Variants in ACP4 observed in about 807,000 individuals in gnomAD.
The protein encoded by ACP4 is testicular acid phosphatase.
ACP4 carries 49 observed loss-of-function variants against 47.3 expected under a neutral mutation model. The ratio of observed to expected loss-of-function variants is 1.04; its 90% confidence interval spans 0.82 to 1.32. ACP4 has a LOEUF of 1.32. ACP4 is among the 40% of genes most tolerant of loss of function. The probability of loss-of-function intolerance (pLI) is 0.00; values close to 1 mark genes in which losing one functional copy is unlikely to be tolerated. For missense variants in ACP4, 594 were observed against 579.3 expected, an observed-to-expected ratio of 1.03 and a Z score of -0.26; for synonymous variants, 299 against 265.3, an observed-to-expected ratio of 1.13 and a Z score of -1.23.
In ACP4 at chr19:50,794,962, C is replaced by T. The variant is rs766382430; in HGVS notation, c.1163C>T (p.Pro388Leu). The T allele has an allele frequency of 6.2e-7, 1 of 1,613,128 alleles. No homozygotes were observed. The highest frequency in any genetic ancestry group is 1.1e-5 in the South Asian group (1 of 90,930). The part of the protein sequence containing the change: ...CHGPYEAAIP[P>L]APVVPLLAGA... ...GGCCCCTATGAGGCTGCCATCCCCC[C>T]AGGTGACAGTCCTCTGTGTTGGGGT... The change falls in exon 10 of 11, where the codon CCA (proline) becomes CTA (leucine). Residue 388 changes from proline (P) to leucine (L), a missense_variant and splice_region_variant. Pro to Leu is a moderately conservative substitution (Grantham distance 98). Coordinates refer to ENST00000270593, the MANE Select transcript of ACP4 (RefSeq NM_033068.3).
chr19:50,791,951 C>A, intron 4 of ACP4, 122 bp from the exon 5 acceptor site: 1 of 1,451,444 alleles, frequency 6.9e-7, no homozygotes, highest in Non-Finnish European at 9.2e-7. Flanking sequence ...CCACGCTGCT[C>A]TCCTGGATCT....
At chr19:50,790,947 C>G (rs2089500066) in intron 3 of ACP4, 87 bp downstream of exon 3, 1 of 1,336,008 alleles carries the variant, frequency 7.5e-7, no homozygotes, top group South Asian at 1.4e-5. Context: ...GCCTCCACCT[C>G]TGGCCTTTGA....
rs754053183 is a variant in ACP4 at position 50,791,688 on chromosome 19, G to A, written c.336G>A (p.Thr112=). 35 of 1,613,312 alleles carry A rather than the reference G, an allele frequency of 2.2e-5. No homozygotes were observed. The highest frequency in any genetic ancestry group is 1.6e-4 in the Middle Eastern group (1 of 6,062). Residue 112 remains threonine (T), a synonymous_variant, in exon 4 of 11, where the codon ACG becomes ACA. Transcript: ENST00000270593. The part of the protein sequence containing the change: ...VYIRSTDFDR[T]LESAQANLAG... ...TCCGCAGCACGGACTTTGACCGCAC[G>A]CTGGAGAGTGCCCAGGCCAACCTTG...
At chr19:50,792,483 G>A in intron 6 of ACP4, 146 bp downstream of exon 6, 2 of 724,306 alleles carry the variant, frequency 2.8e-6, no homozygotes, top group Non-Finnish European at 4.5e-6. Flanking sequence ...GGCAACACCG[G>A]TATCAACACC....
Position 50,794,804 on chromosome 19 carries a change from C to T in ACP4, c.1005C>T (p.Leu335=). 4.4e-6 allele frequency: 7 copies of T among 1,606,470 alleles called. No homozygotes were observed. Among genetic ancestry groups the T allele is most frequent in the Admixed American group, 1.7e-5 (1 of 59,488 alleles). The part of the protein sequence containing the change: ...AKDGGNVTVS[L]FYRNDSAHLP... The stretch of plus-strand genomic sequence containing the variant: ...TCTCCAGGAATGTCACCGTCTCCCT[C>T]TTCTACCGCAATGACTCCGCCCACC... The change falls in exon 10 of 11, where the codon CTC becomes CTT. Residue 335 remains leucine, a synonymous_variant. Coordinates refer to ENST00000270593, the MANE Select transcript of ACP4 (RefSeq NM_033068.3).
At chr19:50,794,674 G>A (rs2089540564) in intron 9 of ACP4, 93 bp downstream of exon 9, 3 of 1,600,966 alleles carry the variant, frequency 1.9e-6, no homozygotes, top group South Asian at 2.3e-5. Context: ...CAGGTGGGGA[G>A]CTGCATGGGA....
chr19:50,792,075 G>C lies in ACP4; in HGVS notation c.453G>C (p.Leu151=), dbSNP rs373226837. 32 of 1,579,632 alleles carry C rather than the reference G, an allele frequency of 2.0e-5. No homozygotes were observed. The highest frequency in any genetic ancestry group is 2.7e-5 in the Non-Finnish European group (31 of 1,163,592). Residue 151 remains leucine (L), a splice_region_variant and synonymous_variant, in exon 5 of 11, where the codon CTG becomes CTC. Transcript: ENST00000270593. ...VHTVPVAEDK[L]LRFPMRSCPR... ...CTCTGAGACTCAGTTTTCCCCAGCT[G>C]CTGAGGTTCCCCATGCGCAGCTGTC...
rs1419709363 is a variant in ACP4 at position 50,793,905 on chromosome 19, A to C, written c.796A>C (p.Ile266Leu). 1.2e-6 allele frequency: 2 copies of C among 1,614,092 alleles called. No individual in the cohort carries two copies. The highest frequency in any genetic ancestry group is 2.2e-5 in the South Asian group (2 of 91,086). Residue 266 changes from isoleucine to leucine, a missense_variant, in exon 8 of 11, where the codon ATC (isoleucine) becomes CTC (leucine). Transcript: ENST00000270593. ...ATCCTCAGGGATCCTGCTGAATGCT[A>C]TCCTTGCAAACTTCTCCCGGGTCCA... ...QLTGGILLNA[I>L]LANFSRVQRL...
rs191582950 is a variant in ACP4, at chr19:50,791,151, C to T, written c.303+291C>T. Among the ~76,000 whole-genome samples the T allele has an allele frequency of 2.3e-4, 35 of 152,330 alleles. 1 individual carries two copies. The East Asian group carries it at 4.4e-3, about 19-fold the overall frequency. The stretch of plus-strand genomic sequence containing the variant: ...CTCCAGTCAGACCTCTGGCCTCTGA[C>T]ATTTGACCCCAAACTTGATTTCGAT... On this transcript the variant is annotated intron_variant, in intron 3 of 10. Transcript: ENST00000270593.
chr19:50,792,423 C>T, intron 6 of ACP4, 86 bp downstream of exon 6: 1 of 1,377,998 alleles, frequency 7.3e-7, no homozygotes, highest in Non-Finnish European at 1.0e-6. Context: ...TTCCCTCAGG[C>T]ATGTAGTTAA....
At chr19:50,791,925 C>A (rs1480380542) in intron 4 of ACP4, 123 bp downstream of exon 4, 10 of 1,460,140 alleles carry the variant, frequency 6.8e-6, no homozygotes, top group Non-Finnish European at 8.2e-6. Flanking sequence ...CTGTCCAGAC[C>A]AGGGTGAGCC....
intron 6 of ACP4, 52 bp downstream of exon 6, chr19:50,792,389 C>A: frequency 6.4e-7 from 1 of 1,564,450 alleles, no homozygotes; most frequent in Non-Finnish European, 8.7e-7. Flanking sequence ...GTTTCCAATC[C>A]CAGCTTGCTA....
intron 8 of ACP4, among the ~76,000 whole-genome samples, 158 bp from the exon 9 acceptor site, chr19:50,794,299 G>T (rs62114343): frequency 6.6e-6 from 1 of 152,112 alleles, no homozygotes; most frequent in Admixed American, 6.5e-5. Context: ...TTAAGTGGCC[G>T]CCTGCAAATG....
Position 50,794,459 on chromosome 19 carries a change from T to C in ACP4, c.864T>C (p.His288=). The change falls in exon 9 of 11, where the codon CAT becomes CAC. Residue 288 remains histidine (H), a splice_region_variant and synonymous_variant. Coordinates refer to ENST00000270593, the MANE Select transcript of ACP4 (RefSeq NM_033068.3). ...TCAGCCCTCGGGTCCACCTGCAGCA[T>C]GACAGCACCCTGCTGGCCCTCCAGG... ...LPLKMVMYSA[H]DSTLLALQGA... 6.2e-7 allele frequency: 1 copy of C among 1,613,524 alleles called. No individual in the cohort carries two copies. Among genetic ancestry groups the C allele is most frequent in the Admixed American group, 1.7e-5 (1 of 60,006 alleles).
rs554344717 is a variant in ACP4, at chr19:50,792,326, C to G, written c.634C>G (p.Leu212Val). The change falls in exon 6 of 11, where the codon CTC becomes GTC. Residue 212 changes from leucine to valine, a missense_variant. By Grantham distance (32) the Leu-to-Val change is conservative. Coordinates refer to ENST00000270593, the MANE Select transcript of ACP4 (RefSeq NM_033068.3). The part of the protein sequence containing the change: ...LRRAWKVLDT[L>V]MCQQAHGLPL... ...CAGGGCATGGAAGGTTCTGGACACCCTCATGTGCCAGGTGAGCCCTGCCCC... is the reference window on the plus strand; with the variant it reads ...CAGGGCATGGAAGGTTCTGGACACCGTCATGTGCCAGGTGAGCCCTGCCCC... 1 of 1,613,290 alleles carries G rather than the reference C, an allele frequency of 6.2e-7. No individual in the cohort carries two copies. Among genetic ancestry groups the G allele is most frequent in the South Asian group, 1.1e-5 (1 of 91,086 alleles).
intron 6 of ACP4, 80 bp from the exon 7 acceptor site, chr19:50,793,604 A>G (rs2089528347): frequency 2.4e-5 from 38 of 1,561,310 alleles, no homozygotes; most frequent in Non-Finnish European, 3.3e-5. Context: ...GACTCAGAAG[A>G]GCAGGGGGCA....
chr19:50,794,087 C>G (rs914203739), intron 8 of ACP4, 117 bp downstream of exon 8: 26 of 1,222,720 alleles, frequency 2.1e-5, no homozygotes, highest in Non-Finnish European at 3.0e-5. Context: ...CCTGGGGTAA[C>G]CCGTATCTCC....
At position 50,790,443 on chromosome 19, in the gene ACP4, C is replaced by G. The variant is rs202064140; in HGVS notation, c.29C>G (p.Pro10Arg). The change falls in exon 1 of 11, where the codon CCT (proline) becomes CGT (arginine). Residue 10 changes from proline to arginine, a missense_variant. By Grantham distance (103) the Pro-to-Arg change is moderately radical (BLOSUM62 -2). Transcript: ENST00000270593. MAGLGFWGH[P>R]AGPLLLLLLL... ...GCCGGCCTGGGGTTTTGGGGCCACC[C>G]TGCTGGACCTCTCCTGCTGCTGCTG... is the stretch of plus-strand genomic sequence containing the variant. 7.3e-4 allele frequency: 1,156 copies of G among 1,587,294 alleles called. 2 individuals carry two copies. The highest frequency in any genetic ancestry group is 9.3e-4 in the Non-Finnish European group (1,091 of 1,170,200).
At chr19:50,794,636 G>A in intron 9 of ACP4, 55 bp downstream of exon 9, 1 of 1,612,966 alleles carries the variant, frequency 6.2e-7, no homozygotes, top group Non-Finnish European at 8.5e-7. Context: ...TCAAAGCAAG[G>A]GGTGATGTGT....
Sources: allele counts gnomAD v4.1 joint callset (sites outside exome capture counted in the v4.1 genomes callset), GRCh38; gene constraint gnomAD v4.1.1; transcripts MANE v1.5; gene names NCBI Gene and HGNC (gene_info 2026-07-23, HGNC 2026-07-21).